The following SEMA5A variants were observed in gnomAD, a reference collection of about 807,000 sequenced individuals.
SEMA5A encodes semaphorin 5A, also known as semaphorin-5A.
SEMA5A carries 55 observed loss-of-function variants against 135.5 expected under a neutral mutation model. The ratio of observed to expected loss-of-function variants is 0.41; its 90% CI spans 0.33 to 0.51. The LOEUF (loss-of-function observed/expected upper bound fraction) is 0.51, where lower values mean the gene tolerates loss of function less well. Ranked by LOEUF, SEMA5A falls within the 20% of genes least tolerant of loss-of-function variation. The pLI is 0.37. For synonymous variants in SEMA5A, 580 were observed against 546.5 expected (o/e 1.06, Z -0.85); for missense variants, 1,290 against 1,419.9 (o/e 0.91, Z 1.47).
At chr5:9,112,412 A>C (rs1740290873) in intron 15 of SEMA5A, among the ~76,000 whole-genome samples, 1 of 152,158 alleles carries the variant, frequency 6.6e-6, no homozygotes, top group Admixed American at 6.5e-5. Context: ...ATCTCTGTTA[A>C]CCTGAACCAA....
intron 16 of SEMA5A, among the ~76,000 whole-genome samples, chr5:9,101,366 A>G (rs145301730): frequency 6.6e-6 from 1 of 152,254 alleles, no homozygotes; most frequent in East Asian, 1.9e-4. Flanking sequence ...CTTTGCTCCA[A>G]TTTCTACATC....
intron 11 of SEMA5A, among the ~76,000 whole-genome samples, chr5:9,183,770 C>T (rs940882354): frequency 3.9e-5 from 6 of 152,222 alleles, no homozygotes; most frequent in Non-Finnish European, 7.3e-5. Context: ...CTTTCCACAA[C>T]GTCTTTCCTG....
chr5:9,075,936 G>A (rs1036506401), intron 16 of SEMA5A, among the ~76,000 whole-genome samples: 1 of 152,150 alleles, frequency 6.6e-6, no homozygotes, highest in Non-Finnish European at 1.5e-5. Context: ...GCCAGGCATG[G>A]TGGCTCACGC....
At chr5:9,436,137 G>T (rs574305089) in intron 2 of SEMA5A, among the ~76,000 whole-genome samples, 1 of 152,088 alleles carries the variant, frequency 6.6e-6, no homozygotes, top group Non-Finnish European at 1.5e-5. Context: ...CCAAGAATAC[G>T]AACCTGAAAG....
At chr5:9,502,240 GC>G (rs1735637071) in intron 1 of SEMA5A, among the ~76,000 whole-genome samples, 1 of 152,182 alleles carries the variant, frequency 6.6e-6, no homozygotes, top group African/African-American at 2.4e-5. Flanking sequence ...TTTCTCTGTA[GC>G]AGTTAAGACA....
intron 16 of SEMA5A, among the ~76,000 whole-genome samples, chr5:9,070,029 C>G (rs1319038251): frequency 6.6e-6 from 1 of 152,146 alleles, no homozygotes; most frequent in Non-Finnish European, 1.5e-5. Flanking sequence ...TCCGAGCCAG[C>G]CTGGCCAGAT....
In SEMA5A at chr5:9,341,412, C is replaced by A. The variant is rs189714181; in HGVS notation, c.125-3600G>T. On this transcript the variant is annotated intron_variant, in intron 3 of 22. Coordinates refer to ENST00000382496, the MANE Select transcript of SEMA5A (RefSeq NM_003966.3). ...ATGAACAGTTTTGGAAATAGAAGAT[C>A]TAAAAGAGTTCAGGGCAATTGGTCA... Among the ~76,000 whole-genome samples, 569 of 151,952 alleles carry A rather than the reference C, an allele frequency of 3.7e-3. 7 individuals carry two copies. Among genetic ancestry groups the A allele is most frequent in the African/African-American group, 0.013 (540 of 41,444 alleles).
intron 1 of SEMA5A, among the ~76,000 whole-genome samples, chr5:9,498,176 T>C (rs1189918450): frequency 6.6e-6 from 1 of 152,196 alleles, no homozygotes; most frequent in Non-Finnish European, 1.5e-5. Flanking sequence ...ACCTTTGATA[T>C]GAAAACTAAC....
At chr5:9,378,201 T>C (rs1160226638) in intron 3 of SEMA5A, among the ~76,000 whole-genome samples, 1 of 152,094 alleles carries the variant, frequency 6.6e-6, no homozygotes, top group Non-Finnish European at 1.5e-5. Flanking sequence ...TACTTGTGTA[T>C]TTAAAAAAAA....
In SEMA5A at chr5:9,088,302, C is replaced by CAA. The variant is rs58686803; in HGVS notation, c.2073+19836_2073+19837dup. Among the ~76,000 whole-genome samples the CAA allele has an allele frequency of 6.1e-3, 419 of 68,338 alleles. 4 individuals are homozygous for CAA. The highest frequency in any genetic ancestry group is 0.052 in the Middle Eastern group (6 of 116). 44.8% of individuals were successfully genotyped at this position (68,338 alleles called of 152,430 possible). On this transcript the variant is annotated intron_variant, in intron 16 of 22. Coordinates refer to ENST00000382496, the MANE Select transcript of SEMA5A (RefSeq NM_003966.3). The stretch of plus-strand genomic sequence containing the variant: ...CTGGCAACAGAGTGAGACTCCATCT[C>CAA]AAAAAAAAAAAAAAAAGAAAAGAAA...
chr5:9,221,558 TC>T (rs1746994086), intron 8 of SEMA5A, among the ~76,000 whole-genome samples: 2 of 152,214 alleles, frequency 1.3e-5, no homozygotes, highest in Non-Finnish European at 1.5e-5. Flanking sequence ...CGCCTCGGCC[TC>T]CCAAAGTGCT....
chr5:9,164,381 TA>T (rs1419810400), intron 11 of SEMA5A, among the ~76,000 whole-genome samples: 1 of 149,218 alleles, frequency 6.7e-6, no homozygotes, highest in African/African-American at 2.5e-5. Context: ...AAGCGCAATT[TA>T]AAAACTAGAT....
At chr5:9,076,689 A>AT (rs1290994102) in intron 16 of SEMA5A, among the ~76,000 whole-genome samples, 2 of 152,144 alleles carry the variant, frequency 1.3e-5, no homozygotes, top group East Asian at 3.8e-4. Context: ...AATCATCGTA[A>AT]TTTTTTTCAT....
chr5:9,381,979 TGTGCGC>T (rs1333346870), intron 2 of SEMA5A, among the ~76,000 whole-genome samples: 100 of 97,428 alleles, frequency 1.0e-3, no homozygotes, highest in African/African-American at 4.4e-3. Flanking sequence ...TGTGTGTGTG[TGTGCGC>T]GCGCGCGCAC....
At chr5:9,108,066 G>C in intron 16 of SEMA5A, 74 bp downstream of exon 16, 1 of 1,531,800 alleles carries the variant, frequency 6.5e-7, no homozygotes, top group Non-Finnish European at 8.9e-7. Flanking sequence ...AGTGTGTGCA[G>C]AGAATTTTGT....
chr5:9,238,867 G>C (rs1579686488), intron 5 of SEMA5A, among the ~76,000 whole-genome samples: 1 of 152,096 alleles, frequency 6.6e-6, no homozygotes, highest in African/African-American at 2.4e-5. Context: ...TTAACAGAAA[G>C]ACATTTTGAG....
At chr5:9,214,308 GC>G (rs1408380326) in intron 8 of SEMA5A, among the ~76,000 whole-genome samples, 1 of 152,186 alleles carries the variant, frequency 6.6e-6, no homozygotes. Flanking sequence ...CAGAGCTCGG[GC>G]CAGGCCTGCT....
At chr5:9,302,464 T>A (rs948434719) in intron 5 of SEMA5A, among the ~76,000 whole-genome samples, 1 of 152,196 alleles carries the variant, frequency 6.6e-6, no homozygotes, top group Admixed American at 6.5e-5. Flanking sequence ...AAACTCAATC[T>A]CATACTTGCT....
At chr5:9,369,347 T>G (rs1449109383) in intron 3 of SEMA5A, among the ~76,000 whole-genome samples, 2 of 152,210 alleles carry the variant, frequency 1.3e-5, no homozygotes, top group Non-Finnish European at 2.9e-5. Context: ...ATGCTTTTCA[T>G]TTGAATGTGG....
Sources: allele counts gnomAD v4.1 joint callset (sites outside exome capture counted in the v4.1 genomes callset), GRCh38; gene constraint gnomAD v4.1.1; transcripts MANE v1.5; gene names NCBI Gene and HGNC (gene_info 2026-07-23, HGNC 2026-07-21).